The following FCHO2 variants were observed in gnomAD, a reference collection of about 807,000 sequenced individuals.
FCHO2 encodes FCH and mu domain containing endocytic adaptor 2, also known as F-BAR domain only protein 2.
A neutral mutation model predicts 114.1 loss-of-function variants in FCHO2; 43 were observed. The observed-to-expected ratio is 0.38, with a 90% CI of 0.30 to 0.49. The LOEUF is 0.49. Among genes scored for constraint, FCHO2 ranks in the 20% least tolerant of loss-of-function variants. The pLI is 0.97. For missense variants in FCHO2, 807 were observed against 950.4 expected, an observed-to-expected ratio of 0.85 and a Z score of 1.98; for synonymous variants, 293 against 315.2, an observed-to-expected ratio of 0.93 and a Z score of 0.75.
At chr5:73,039,877 G>A (rs1210438622) in intron 10 of FCHO2, among the ~76,000 whole-genome samples, 3 of 150,606 alleles carry the variant, frequency 2.0e-5, no homozygotes, top group African/African-American at 7.3e-5. Context: ...GCAGTGAGCC[G>A]AGACGATGCC....
chr5:72,997,143 A>G, intron 5 of FCHO2: 2 of 1,123,388 alleles, frequency 1.8e-6, no homozygotes, highest in East Asian at 4.7e-5. Flanking sequence ...TCCCACCATG[A>G]TGGGGTCCTG....
chr5:73,022,084 A>C (rs1037094654), intron 8 of FCHO2, among the ~76,000 whole-genome samples: 8 of 152,330 alleles, frequency 5.3e-5, no homozygotes, highest in Admixed American at 5.2e-4. Flanking sequence ...TCACAAATCA[A>C]GTCACATGCT....
rs1177312773 is a variant in FCHO2, at chr5:73,028,646, C to CTT, written c.797-5991_797-5990dup. ...AAATAAGAATACATATTATATGATT[C>CTT]TTTTTTTTTTTTTTTTTTTTTGTGA... On this transcript the variant is annotated intron_variant, in intron 8 of 25. Coordinates refer to ENST00000430046, the MANE Select transcript of FCHO2 (RefSeq NM_138782.3). 5.7e-3 allele frequency among the ~76,000 whole-genome samples: 642 copies of CTT among 112,176 alleles called. 22 individuals are homozygous for CTT. The highest frequency in any genetic ancestry group is 0.036 in the East Asian group (123 of 3,410). The allele number at this position is 112,176 out of a possible 152,430, so 73.6% of individuals were successfully genotyped here.
At chr5:72,964,839 A>G in intron 1 of FCHO2, among the ~76,000 whole-genome samples, 1 of 152,192 alleles carries the variant, frequency 6.6e-6, no homozygotes, top group Non-Finnish European at 1.5e-5. Flanking sequence ...ATCTGAGGTC[A>G]ACTGCAGTCT....
chr5:72,958,162 T>G (rs1204534912), intron 1 of FCHO2, among the ~76,000 whole-genome samples: 1 of 152,144 alleles, frequency 6.6e-6, no homozygotes. Flanking sequence ...AAGTAACTCA[T>G]AAGTTTTTAT....
intron 19 of FCHO2, among the ~76,000 whole-genome samples, chr5:73,069,654 T>G (rs1223875540): frequency 6.7e-6 from 1 of 148,686 alleles, no homozygotes; most frequent in Non-Finnish European, 1.5e-5. Context: ...ACAGATGACA[T>G]TCACATTCAC....
chr5:72,972,853 C>G lies in FCHO2; in HGVS notation c.125+4264C>G, dbSNP rs2112616383. 2.0e-5 allele frequency among the ~76,000 whole-genome samples: 3 copies of G among 152,118 alleles called. No homozygotes were observed. In the South Asian group the frequency reaches 6.2e-4, roughly 32 times the overall value. On this transcript the variant is annotated intron_variant, in intron 2 of 25. Coordinates refer to ENST00000430046, the MANE Select transcript of FCHO2 (RefSeq NM_138782.3). ...GGCTGTGGGTTTGTCATAGATAGCT[C>G]TTATTATTTTGAAATACGTCCCATC...
intron 17 of FCHO2, among the ~76,000 whole-genome samples, chr5:73,060,304 T>C (rs1757795273): frequency 6.6e-6 from 1 of 151,996 alleles, no homozygotes; most frequent in African/African-American, 2.4e-5. Flanking sequence ...AGTAATGTTA[T>C]AAATTTTGCC....
chr5:72,968,968 T>G (rs1485551943), intron 2 of FCHO2, among the ~76,000 whole-genome samples: 1 of 152,204 alleles, frequency 6.6e-6, no homozygotes, highest in Non-Finnish European at 1.5e-5. Flanking sequence ...TAATTTTGTG[T>G]TTTTGTAACT....
At chr5:73,016,675 T>A (rs1755323119) in intron 7 of FCHO2, among the ~76,000 whole-genome samples, 2 of 135,298 alleles carry the variant, frequency 1.5e-5, no homozygotes, top group Non-Finnish European at 3.1e-5. Context: ...GATTTTAAAT[T>A]GTTTAAATAT....
chr5:73,002,197 A>G (rs1429390398), intron 5 of FCHO2, among the ~76,000 whole-genome samples: 1 of 152,204 alleles, frequency 6.6e-6, no homozygotes, highest in African/African-American at 2.4e-5. Context: ...TTATGAAAAT[A>G]TGCTGGTGTA....
intron 8 of FCHO2, among the ~76,000 whole-genome samples, chr5:73,021,926 CACACTTTGATTTTCAG>C (rs1292458910): frequency 6.6e-6 from 1 of 152,146 alleles, no homozygotes; most frequent in African/African-American, 2.4e-5. Context: ...ACTTTGTAGG[CACACTTTGATTTTCAG>C]CAACTTTTTG....
intron 8 of FCHO2, among the ~76,000 whole-genome samples, chr5:73,030,208 A>G (rs1580132638): frequency 1.3e-5 from 2 of 151,842 alleles, no homozygotes; most frequent in South Asian, 4.2e-4. Flanking sequence ...TGCCCAGCTA[A>G]TTTTTGTATT....
chr5:72,983,016 C>G (rs1197589649), intron 2 of FCHO2, among the ~76,000 whole-genome samples: 2 of 151,766 alleles, frequency 1.3e-5, no homozygotes. Flanking sequence ...CGGGTTCATG[C>G]CATTTTCCTG....
chr5:73,016,408 A>G (rs1755315242), intron 7 of FCHO2, among the ~76,000 whole-genome samples: 3 of 125,002 alleles, frequency 2.4e-5, no homozygotes, highest in African/African-American at 9.5e-5. Flanking sequence ...TTAAATATTA[A>G]AAAAGATTTT....
chr5:73,052,140 G>C (rs557573045), intron 12 of FCHO2, among the ~76,000 whole-genome samples, 192 bp from the exon 13 acceptor site: 1 of 152,196 alleles, frequency 6.6e-6, no homozygotes, highest in African/African-American at 2.4e-5. Flanking sequence ...AGCCAGGATG[G>C]TCTTGATCTC....
At chr5:73,085,219 C>T (rs962012267) in intron 24 of FCHO2, among the ~76,000 whole-genome samples, 1 of 152,026 alleles carries the variant, frequency 6.6e-6, no homozygotes, top group Non-Finnish European at 1.5e-5. Context: ...TGTAGTGGCA[C>T]GTGCCTGTAG....
At chr5:72,957,517 A>G (rs1751622006) in intron 1 of FCHO2, among the ~76,000 whole-genome samples, 1 of 152,230 alleles carries the variant, frequency 6.6e-6, no homozygotes, top group Non-Finnish European at 1.5e-5. Context: ...AAGTTTATCC[A>G]TGATGTAGCA....
At chr5:72,996,910 G>C in intron 5 of FCHO2, 1 of 1,574,918 alleles carries the variant, frequency 6.3e-7, no homozygotes, top group East Asian at 2.3e-5. Flanking sequence ...GCAGTGCCAG[G>C]GTCATCAGGA....
Sources: allele counts gnomAD v4.1 joint callset (sites outside exome capture counted in the v4.1 genomes callset), GRCh38; gene constraint gnomAD v4.1.1; transcripts MANE v1.5; gene names NCBI Gene and HGNC (gene_info 2026-07-23, HGNC 2026-07-21).